The following BMP2K variants were observed in gnomAD, a reference collection of about 807,000 sequenced individuals.
The protein encoded by BMP2K is BMP2 inducible kinase, also known as BMP-2-inducible protein kinase.
Under a neutral mutation model 116.0 loss-of-function variants are expected in BMP2K, and 74 were observed. That is an observed-to-expected ratio of 0.64 (90% CI 0.53 to 0.77). The LOEUF (loss-of-function observed/expected upper bound fraction) is 0.77, where lower values mean the gene tolerates loss of function less well. Among genes scored for constraint, BMP2K ranks in the 30% least tolerant of loss-of-function variants. The pLI is 0.00. For missense variants in BMP2K, 1,365 were observed against 1,403.6 expected, an observed-to-expected ratio of 0.97 and a Z score of 0.44; for synonymous variants, 486 against 502.5, an observed-to-expected ratio of 0.97 and a Z score of 0.44.
rs1177648958 is a variant in BMP2K at position 78,828,586 on chromosome 4, G to T, written c.297+2431G>T. Among the ~76,000 whole-genome samples the T allele has an allele frequency of 2.0e-5, 3 of 152,158 alleles. No homozygotes were observed. The East Asian group carries it at 5.8e-4, about 29-fold the overall frequency. On this transcript the variant is annotated intron_variant, in intron 2 of 15. Coordinates refer to ENST00000502613, the MANE Select transcript of BMP2K (RefSeq NM_198892.2). ...GCAGGTGAAAGGAGGGCAGGAGAGAGATTCTGTTTCCTGAGGCCTAAGACA... is the reference window on the plus strand; with the variant it reads ...GCAGGTGAAAGGAGGGCAGGAGAGATATTCTGTTTCCTGAGGCCTAAGACA...
At chr4:78,803,862 C>T (rs757626998) in intron 1 of BMP2K, among the ~76,000 whole-genome samples, 3 of 152,124 alleles carry the variant, frequency 2.0e-5, no homozygotes, top group African/African-American at 7.2e-5. Context: ...TTTTATCATG[C>T]CTCATCTCCC....
intron 8 of BMP2K, 51 bp downstream of exon 8, chr4:78,859,738 G>T: frequency 8.0e-7 from 1 of 1,256,128 alleles, no homozygotes; most frequent in Non-Finnish European, 1.1e-6. Context: ...TTTATCGTAT[G>T]TGAATATATT....
intron 7 of BMP2K, among the ~76,000 whole-genome samples, chr4:78,852,562 A>T (rs911400820): frequency 2.6e-5 from 4 of 152,250 alleles, no homozygotes; most frequent in Non-Finnish European, 5.9e-5. Flanking sequence ...CTATAATGTA[A>T]TGTGTTTTAG....
chr4:78,862,736 T>C (rs1322307526), intron 9 of BMP2K, among the ~76,000 whole-genome samples: 5 of 152,152 alleles, frequency 3.3e-5, no homozygotes, highest in African/African-American at 1.2e-4. Context: ...CATTTGCGAA[T>C]GACTTATTTT....
intron 1 of BMP2K, among the ~76,000 whole-genome samples, chr4:78,810,504 A>G (rs1165302545): frequency 6.6e-6 from 1 of 152,186 alleles, no homozygotes; most frequent in Non-Finnish European, 1.5e-5. Flanking sequence ...GATTGTTTTA[A>G]ACAGATGCCC....
intron 2 of BMP2K, among the ~76,000 whole-genome samples, chr4:78,831,934 C>A (rs373054770): frequency 6.6e-6 from 1 of 152,078 alleles, no homozygotes; most frequent in Admixed American, 6.6e-5. Flanking sequence ...TGAGTGCTTA[C>A]ACACAAGCAC....
At chr4:78,878,300 G>A (rs1732727975) in intron 13 of BMP2K, among the ~76,000 whole-genome samples, 1 of 152,130 alleles carries the variant, frequency 6.6e-6, no homozygotes, top group Non-Finnish European at 1.5e-5. Context: ...GATGCTGTCT[G>A]ATAAGGTGAC....
chr4:78,790,976 CT>C (rs1451586993), intron 1 of BMP2K, among the ~76,000 whole-genome samples: 1 of 152,174 alleles, frequency 6.6e-6, no homozygotes, highest in African/African-American at 2.4e-5. Flanking sequence ...GGCTGAGCCC[CT>C]GGCCATCTTT....
At chr4:78,871,992 G>A in intron 12 of BMP2K, 44 bp downstream of exon 12, 1 of 1,361,192 alleles carries the variant, frequency 7.3e-7, no homozygotes, top group Non-Finnish European at 1.0e-6. Flanking sequence ...TATACATTAT[G>A]GTGTTGGAAT....
Position 78,854,926 on chromosome 4 carries a change from G to GA in BMP2K, c.883+3880dup, listed in dbSNP as rs999195875. Among the ~76,000 whole-genome samples, 65 of 145,904 alleles carry GA rather than the reference G, an allele frequency of 4.5e-4. 1 individual carries two copies. The highest frequency in any genetic ancestry group is 3.5e-3 in the Middle Eastern group (1 of 286). On this transcript the variant is annotated intron_variant, in intron 7 of 15. Coordinates refer to ENST00000502613, the MANE Select transcript of BMP2K (RefSeq NM_198892.2). The stretch of plus-strand genomic sequence containing the variant: ...CACTCTCTTCTCCTATATTATTTTT[G>GA]AAAAAAAAAATAGCTACTTAAAAGT...
chr4:78,908,140 T>C (rs1341402816), intron 15 of BMP2K, among the ~76,000 whole-genome samples: 1 of 152,212 alleles, frequency 6.6e-6, no homozygotes, highest in African/African-American at 2.4e-5. Context: ...AGCATGTAGC[T>C]CTTGGCTGGT....
At chr4:78,847,141 T>A (rs76441425) in intron 5 of BMP2K, 47 bp from the exon 6 acceptor site, 31 of 648,362 alleles carry the variant, frequency 4.8e-5, no homozygotes, top group African/African-American at 2.0e-4. Flanking sequence ...GTCTTTTTTT[T>A]ATATATATAT....
At chr4:78,890,130 A>C (rs951929020) in intron 15 of BMP2K, among the ~76,000 whole-genome samples, 7 of 152,116 alleles carry the variant, frequency 4.6e-5, no homozygotes, top group Admixed American at 4.6e-4. Flanking sequence ...TTATTAAAGT[A>C]TGTATATAGT....
intron 5 of BMP2K, among the ~76,000 whole-genome samples, chr4:78,845,403 T>G (rs1175288029): frequency 6.6e-6 from 1 of 151,682 alleles, no homozygotes; most frequent in African/African-American, 2.4e-5. Context: ...AGTTAAATTA[T>G]TTGAAAACAT....
intron 14 of BMP2K, among the ~76,000 whole-genome samples, chr4:78,884,025 A>G (rs1234981404): frequency 6.6e-6 from 1 of 152,148 alleles, no homozygotes; most frequent in East Asian, 1.9e-4. Flanking sequence ...AGCCTGGGTG[A>G]AACAGCAAGG....
At position 78,838,222 on chromosome 4, in the gene BMP2K, C is replaced by T. The variant is rs980392897; in HGVS notation, c.404-4163C>T. Among the ~76,000 whole-genome samples the T allele has an allele frequency of 1.6e-4, 24 of 152,188 alleles. 1 individual carries two copies. In the East Asian group the frequency reaches 3.5e-3, roughly 22 times the overall value. On this transcript the variant is annotated intron_variant, in intron 3 of 15. Coordinates refer to ENST00000502613, the MANE Select transcript of BMP2K (RefSeq NM_198892.2). ...ATGTCGTGAGACTTATTCACCATCACGAGAACAGCACAGGAAAGACTTGCC... is the reference window on the plus strand; with the variant it reads ...ATGTCGTGAGACTTATTCACCATCATGAGAACAGCACAGGAAAGACTTGCC...
At chr4:78,881,740 CATTAT>C (rs1298614321) in intron 14 of BMP2K, among the ~76,000 whole-genome samples, 2 of 151,880 alleles carry the variant, frequency 1.3e-5, no homozygotes, top group Admixed American at 1.3e-4. Flanking sequence ...GATAGATGGT[CATTAT>C]ATTAAACTTT....
intron 4 of BMP2K, among the ~76,000 whole-genome samples, chr4:78,844,691 T>G (rs767489559): frequency 2.0e-5 from 3 of 151,616 alleles, no homozygotes; most frequent in African/African-American, 4.8e-5. Context: ...TTGCTCCCAT[T>G]CATTTGACCT....
At chr4:78,857,662 C>A (rs953755887) in intron 7 of BMP2K, among the ~76,000 whole-genome samples, 4 of 152,080 alleles carry the variant, frequency 2.6e-5, no homozygotes, top group East Asian at 1.9e-4. Flanking sequence ...GGCCACTAGT[C>A]CATACTGATA....
Sources: gnomAD v4.1 joint callset for allele counts (sites outside exome capture counted in the v4.1 genomes callset) on GRCh38, gnomAD v4.1.1 for gene constraint, MANE v1.5 for transcripts, NCBI Gene and HGNC (gene_info 2026-07-23, HGNC 2026-07-21) for gene names.